KPNB1: variants seen among roughly 807,000 people sequenced by gnomAD.
KPNB1 encodes karyopherin subunit beta 1.
KPNB1 carries 7 observed loss-of-function variants against 113.0 expected under a neutral mutation model. The observed-to-expected ratio is 0.06, with a 90% CI of 0.04 to 0.12. KPNB1 has a LOEUF of 0.12. Among genes scored for constraint, KPNB1 ranks in the 10% least tolerant of loss-of-function variants. The pLI, the probability that KPNB1 is intolerant of heterozygous loss-of-function variation, is 1.00. For missense variants in KPNB1, 400 were observed against 1,054.8 expected (o/e 0.38, Z 8.60); for synonymous variants, 363 against 378.6 (o/e 0.96, Z 0.48).
intron 12 of KPNB1, among the ~76,000 whole-genome samples, chr17:47,672,279 A>T (rs2143154313): frequency 6.7e-6 from 1 of 150,014 alleles, no homozygotes; most frequent in South Asian, 2.2e-4. Context: ...AAGTGCTGGG[A>T]TTGTAGGCCT....
chr17:47,650,021 C>T lies in KPNB1; in HGVS notation c.-224C>T. Reference sequence around the variant, plus strand: ...TGAGCTGCCCCCAGGGTCCCTCCCCCGCCGCCAGCAGCCCATTTGGAGGGA... The same window carrying T: ...TGAGCTGCCCCCAGGGTCCCTCCCCTGCCGCCAGCAGCCCATTTGGAGGGA... On this transcript the variant is annotated 5_prime_UTR_variant, in exon 1 of 22. Coordinates refer to ENST00000290158, the MANE Select transcript of KPNB1 (RefSeq NM_002265.6). 4 of 1,369,420 alleles carry T rather than the reference C, an allele frequency of 2.9e-6. No homozygotes were observed. The South Asian group carries it at 5.4e-5, about 18-fold the overall frequency. The allele number at this position is 1,369,420 out of a possible 1,614,324, so 84.8% of individuals were successfully genotyped here. A position where few individuals can be genotyped will look rare whatever the true frequency, so the allele number is the denominator to read the frequency against.
chr17:47,654,555 G>A (rs1915668444), intron 3 of KPNB1, among the ~76,000 whole-genome samples: 1 of 151,992 alleles, frequency 6.6e-6, no homozygotes, highest in African/African-American at 2.4e-5. Context: ...CACTGTTGGT[G>A]ATCTTTTTTG....
rs2030835505 is a variant in KPNB1 at position 47,683,102 on chromosome 17, A to AC, written c.*698_*699insC. Reference sequence around the variant, plus strand: ...AGCACAAGAGATGTAAAAAAAAAAAAAAAAAAAAAAAAAAAAACACACACA... The same window carrying AC: ...AGCACAAGAGATGTAAAAAAAAAAAACAAAAAAAAAAAAAAAAACACACACA... On this transcript the variant is annotated 3_prime_UTR_variant, in exon 22 of 22. Coordinates refer to ENST00000290158, the MANE Select transcript of KPNB1 (RefSeq NM_002265.6). The AC allele has an allele frequency of 6.8e-6, 1 of 146,988 alleles. No individual in the cohort carries two copies. The highest frequency in any genetic ancestry group is 1.5e-5 in the Non-Finnish European group (1 of 66,700). The allele number at this position is 146,988 out of a possible 1,614,324, so 9.1% of individuals were successfully genotyped here. A position where few individuals can be genotyped will look rare whatever the true frequency, so the allele number is the denominator to read the frequency against.
chr17:47,671,205 T>C (rs1216366571), intron 12 of KPNB1, among the ~76,000 whole-genome samples: 1 of 152,138 alleles, frequency 6.6e-6, no homozygotes, highest in Non-Finnish European at 1.5e-5. Context: ...TGCAGTGAGC[T>C]GAGACTGCGC....
At chr17:47,669,057 C>T (rs1751396914) in intron 10 of KPNB1, among the ~76,000 whole-genome samples, 1 of 151,076 alleles carries the variant, frequency 6.6e-6, no homozygotes, top group Non-Finnish European at 1.5e-5. Flanking sequence ...GCCATCATAG[C>T]TGCATCCTGA....
chr17:47,666,467 T>A lies in KPNB1; in HGVS notation c.999+1309T>A, dbSNP rs970105561. On this transcript the variant is annotated intron_variant, in intron 9 of 21. Transcript: ENST00000290158. ...ATTTTATATATTATGTTATATATAT[T>A]TTATATAATGTTATATATTATATAT... Among the ~76,000 whole-genome samples, 132 of 145,276 alleles carry A rather than the reference T, an allele frequency of 9.1e-4. 1 individual carries two copies. The highest frequency in any genetic ancestry group is 1.4e-3 in the Non-Finnish European group (96 of 66,272).
chr17:47,664,985 G>A (rs1007720768), intron 8 of KPNB1, 72 bp from the exon 9 acceptor site: 7 of 1,012,908 alleles, frequency 6.9e-6, no homozygotes, highest in Non-Finnish European at 7.9e-6. Context: ...ATCCCTGTTC[G>A]GCTCTCATTG....
At position 47,678,431 on chromosome 17, in the gene KPNB1, G is replaced by A. The variant is rs565049846; in HGVS notation, c.2353+18G>A. On this transcript the variant is annotated intron_variant, in intron 19 of 21. Transcript: ENST00000290158. ...CGTACACCGTTGAGTATACAACCCA[G>A]TTCCCTTCGTCCGCTCGCCAATGTG... The A allele has an allele frequency of 1.3e-6, 2 of 1,577,070 alleles. No individual in the cohort carries two copies. The highest frequency in any genetic ancestry group is 1.7e-6 in the Non-Finnish European group (2 of 1,146,644).
chr17:47,659,588 A>G (rs993963127), intron 5 of KPNB1, among the ~76,000 whole-genome samples: 4 of 152,176 alleles, frequency 2.6e-5, no homozygotes, highest in African/African-American at 9.7e-5. Context: ...CCCTGTCTCT[A>G]AAAAAATTTC....
At chr17:47,672,719 T>G (rs2143155587) in intron 12 of KPNB1, among the ~76,000 whole-genome samples, 1 of 152,366 alleles carries the variant, frequency 6.6e-6, no homozygotes, top group Non-Finnish European at 1.5e-5. Flanking sequence ...TCATAGCACT[T>G]CAGACAACCT....
rs186189850 is a variant in KPNB1, at chr17:47,664,285, C to G, written c.897+16C>G. The G allele has an allele frequency of 4.8e-6, 7 of 1,466,226 alleles. No homozygotes were observed. In the African/African-American group the frequency reaches 6.9e-5, roughly 15 times the overall value. 90.8% of individuals were successfully genotyped at this position (1,466,226 alleles called of 1,614,324 possible). On this transcript the variant is annotated intron_variant, in intron 8 of 21. Coordinates refer to ENST00000290158, the MANE Select transcript of KPNB1 (RefSeq NM_002265.6). The stretch of plus-strand genomic sequence containing the variant: ...AGCTTCAGAGGTGAGCTGGGGAGAA[C>G]TATTACTCTGAATACGCTTTGGGAC...
At chr17:47,661,070 C>A in intron 5 of KPNB1, 49 bp from the exon 6 acceptor site, 1 of 1,447,808 alleles carries the variant, frequency 6.9e-7, no homozygotes, top group Non-Finnish European at 9.7e-7. Flanking sequence ...AATCTTCCTA[C>A]GTACAGGTTA....
intron 2 of KPNB1, 111 bp downstream of exon 2, chr17:47,650,555 T>TGCGGGG: frequency 1.8e-6 from 1 of 550,746 alleles, no homozygotes; most frequent in Non-Finnish European, 3.0e-6. Flanking sequence ...CCCCATCCCG[T>TGCGGGG]CCCCCTCCCC....
At chr17:47,663,044 T>C (rs1232912203) in intron 6 of KPNB1, 45 bp from the exon 7 acceptor site, 1 of 1,006,536 alleles carries the variant, frequency 9.9e-7, no homozygotes, top group Non-Finnish European at 1.6e-6. Flanking sequence ...TTTGTCAGAT[T>C]GCGTTGTTAT....
intron 21 of KPNB1, among the ~76,000 whole-genome samples, chr17:47,681,551 C>T (rs60014739): frequency 0.043 from 6,488 of 151,714 alleles, 251 homozygotes; most frequent in East Asian, 0.11. Flanking sequence ...GGATTACAGG[C>T]GTAAGCTACC....
At chr17:47,668,816 A>G (rs2030364279) in intron 10 of KPNB1, among the ~76,000 whole-genome samples, 1 of 152,078 alleles carries the variant, frequency 6.6e-6, no homozygotes, top group African/African-American at 2.4e-5. Context: ...CTGATTCCCC[A>G]TAATTTTTAA....
chr17:47,664,949 T>C, intron 8 of KPNB1, 108 bp from the exon 9 acceptor site: 1 of 806,254 alleles, frequency 1.2e-6, no homozygotes, highest in Non-Finnish European at 2.1e-6. Flanking sequence ...CCATTTGTCC[T>C]TGTATGTTTC....
intron 6 of KPNB1, among the ~76,000 whole-genome samples, chr17:47,662,607 C>T (rs1489145265): frequency 1.3e-5 from 2 of 150,660 alleles, no homozygotes; most frequent in African/African-American, 4.9e-5. Context: ...AATGGCCGGG[C>T]GCAGTGGCTC....
chr17:47,663,286 C>T lies in KPNB1; in HGVS notation c.786+108C>T, dbSNP rs868485255. On this transcript the variant is annotated intron_variant, in intron 7 of 21. Coordinates refer to ENST00000290158, the MANE Select transcript of KPNB1 (RefSeq NM_002265.6). ...AATATTTTACTTAATACTATGGAAT[C>T]AAGGAAATTCCTCGAGACTGTTCGG... 27 of 693,446 alleles carry T rather than the reference C, an allele frequency of 3.9e-5. No individual in the cohort carries two copies. In the Middle Eastern group the frequency reaches 4.6e-3, roughly 119 times the overall value. 43.0% of individuals were successfully genotyped at this position (693,446 alleles called of 1,614,324 possible).
Sources: allele counts gnomAD v4.1 joint callset (sites outside exome capture counted in the v4.1 genomes callset), GRCh38; gene constraint gnomAD v4.1.1; transcripts MANE v1.5; gene names NCBI Gene and HGNC (gene_info 2026-07-23, HGNC 2026-07-21).